The following RUFY4 variants were observed in gnomAD, a reference collection of about 807,000 sequenced individuals.
RUFY4 encodes the protein RUN and FYVE domain containing 4.
In RUFY4, 73 loss-of-function variants were observed where a neutral mutation model predicts 69.0. That is an observed-to-expected ratio of 1.06 (90% CI 0.88 to 1.29). RUFY4 has a LOEUF of 1.29. Ranked by LOEUF, RUFY4 falls within the 50% of genes most tolerant of loss-of-function variation. The pLI, the probability that RUFY4 is intolerant of heterozygous loss-of-function variation, is 0.00. For synonymous variants in RUFY4, 287 were observed against 271.8 expected (o/e 1.06, Z -0.55); for missense variants, 770 against 705.6 (o/e 1.09, Z -1.03).
chr2:218,053,512 A>AT (rs1215315380), intron 2 of RUFY4, among the ~76,000 whole-genome samples: 297 of 149,078 alleles, frequency 2.0e-3, no homozygotes, highest in African/African-American at 6.4e-3. Flanking sequence ...CACCTGGCTA[A>AT]TTTTTTTTTT....
intron 9 of RUFY4, among the ~76,000 whole-genome samples, chr2:218,085,462 C>A (rs1251652307): frequency 6.6e-6 from 1 of 152,118 alleles, no homozygotes; most frequent in African/African-American, 2.4e-5. Flanking sequence ...TCTAAAATGA[C>A]TATAAAAGAC....
chr2:218,075,281 G>T (rs55688870), exon 7 of RUFY4: 4 of 1,597,352 alleles, frequency 2.5e-6, no homozygotes, highest in Non-Finnish European at 3.4e-6. Context: ...GGTACCCCCA[G>T]AGCATGTGGG....
At chr2:218,060,272 T>A in intron 3 of RUFY4, 1 of 1,395,016 alleles carries the variant, frequency 7.2e-7, no homozygotes, top group East Asian at 2.3e-5. Flanking sequence ...CTAGTGGACA[T>A]GAGGCTTGGA....
chr2:218,072,569 C>A, intron 3 of RUFY4, 70 bp downstream of exon 5: 1 of 1,513,426 alleles, frequency 6.6e-7, no homozygotes, highest in Admixed American at 2.0e-5. Flanking sequence ...TTTTCCCCCA[C>A]CCTGCTCTAC....
chr2:218,073,915 G>T lies in RUFY4; in HGVS notation c.600+30G>T, dbSNP rs754221954. The stretch of plus-strand genomic sequence containing the variant: ...CTCTGCCCTGCCTTCACTCTGAGTT[G>T]CCTCTTCCCCATCTCCTTGGCATCC... On this transcript the variant is annotated intron_variant, in intron 6 of 10. Transcript: ENST00000344321. 4.3e-6 allele frequency: 7 copies of T among 1,609,414 alleles called. No homozygotes were observed. The African/African-American group carries it at 5.3e-5, about 12-fold the overall frequency.
upstream of RUFY4, among the ~76,000 whole-genome samples, chr2:218,066,619 A>G (rs1689338554): frequency 6.6e-6 from 1 of 152,260 alleles, no homozygotes; most frequent in African/African-American, 2.4e-5. Flanking sequence ...ATGACGGTAC[A>G]GACAGTACAG....
downstream of RUFY4, chr2:218,090,615 A>G (rs1332415203): frequency 6.5e-6 from 1 of 154,124 alleles, no homozygotes; most frequent in Non-Finnish European, 1.4e-5. Flanking sequence ...ACAAACACCA[A>G]TGAAACCGTC....
intron 3 of RUFY4, chr2:218,060,380 AG>A (rs1489925995): frequency 6.5e-7 from 1 of 1,550,376 alleles, no homozygotes; most frequent in Non-Finnish European, 8.7e-7. Flanking sequence ...GAGCCAACAA[AG>A]GAAGGCCTGC....
chr2:218,082,857 G>A (rs1474488116), intron 8 of RUFY4, among the ~76,000 whole-genome samples: 3 of 53,360 alleles, frequency 5.6e-5, no homozygotes, highest in East Asian at 6.1e-4. Context: ...TAAATTATAT[G>A]CATGTAGCAT....
rs1423213546 is a variant in RUFY4, at chr2:218,072,619, C to G, written c.279+120C>G. 4 of 1,407,682 alleles carry G rather than the reference C, an allele frequency of 2.8e-6. No individual in the cohort carries two copies. In the African/African-American group the frequency reaches 5.7e-5, roughly 20 times the overall value. 87.2% of individuals were successfully genotyped at this position (1,407,682 alleles called of 1,614,324 possible). A position where few individuals can be genotyped will look rare whatever the true frequency, so the allele number is the denominator to read the frequency against. Reference sequence around the variant, plus strand: ...TCACCTGCTCTGCATGTCTCCTAAGCCCTGCCCACAGCACCCCTCCAGACA... The same window carrying G: ...TCACCTGCTCTGCATGTCTCCTAAGGCCTGCCCACAGCACCCCTCCAGACA... On this transcript the variant is annotated intron_variant, in intron 3 of 10. Coordinates refer to ENST00000344321, the Ensembl canonical transcript of RUFY4.
intron 1 of RUFY4, 32 bp from the exon 4 acceptor site, chr2:218,070,721 C>T: frequency 6.5e-7 from 1 of 1,535,654 alleles, no homozygotes; most frequent in Non-Finnish European, 8.7e-7. Flanking sequence ...GCCCCTCCCT[C>T]AGCGACCTGA....
intron 9 of RUFY4, among the ~76,000 whole-genome samples, chr2:218,088,455 CA>C (rs112643399): frequency 0.18 from 15,800 of 88,082 alleles, 1,044 homozygotes; most frequent in African/African-American, 0.28. Context: ...GAGATGCTGT[CA>C]AAAAAAAAAA....
chr2:218,043,564 G>C (rs1469043860), intron 2 of RUFY4, among the ~76,000 whole-genome samples: 1 of 152,202 alleles, frequency 6.6e-6, no homozygotes, highest in Middle Eastern at 3.2e-3. Context: ...CCCCAGAGAG[G>C]GTAGCTCCTT....
chr2:218,075,713 C>A, exon 7 of RUFY4: 1 of 1,450,450 alleles, frequency 6.9e-7, no homozygotes. Context: ...AGGAGCAAGC[C>A]GAGGTGTCCC....
chr2:218,073,264 C>A (rs888461089), exon 5 of RUFY4: 2 of 1,552,196 alleles, frequency 1.3e-6, no homozygotes, highest in South Asian at 2.4e-5. Flanking sequence ...GACCCCGGAG[C>A]CCTCTGCTCT....
intron 2 of RUFY4, among the ~76,000 whole-genome samples, chr2:218,053,512 AT>A (rs1215315380): frequency 4.8e-4 from 72 of 149,058 alleles, no homozygotes; most frequent in East Asian, 3.9e-4. Flanking sequence ...CACCTGGCTA[AT>A]TTTTTTTTTA....
intron 2 of RUFY4, among the ~76,000 whole-genome samples, chr2:218,044,456 G>A (rs1442722639): frequency 6.6e-6 from 1 of 152,138 alleles, no homozygotes; most frequent in East Asian, 1.9e-4. Flanking sequence ...TTTATTTTAA[G>A]TTCAGGGTAC....
rs769429842 is a variant in RUFY4 at position 218,076,535 on chromosome 2, TAACCTTGGC to T, written c.1355+7_1355+15del. The T allele has an allele frequency of 6.6e-5, 103 of 1,549,774 alleles. 1 individual carries two copies. The South Asian group carries it at 1.2e-3, about 18-fold the overall frequency. On this transcript the variant is annotated splice_donor_5th_base_variant and intron_variant, in intron 8 of 10. Transcript: ENST00000344321. ...GGCACTTCGGGAGCAGCTCAGCAGG[TAACCTTGGC>T]AACCCACAGCACAGGGCACCTGGAA...
At chr2:218,089,284 A>G (rs777132058) in exon 10 of RUFY4, 4 of 1,613,584 alleles carry the variant, frequency 2.5e-6, no homozygotes, top group East Asian at 2.2e-5. Context: ...AGGCTCCAGC[A>G]TCTCTCTTCC....
Sources: gnomAD v4.1 joint callset for allele counts (sites outside exome capture counted in the v4.1 genomes callset) on GRCh38, gnomAD v4.1.1 for gene constraint, MANE v1.5 for transcripts, NCBI Gene and HGNC (gene_info 2026-07-23, HGNC 2026-07-21) for gene names.